METAP2: variants seen among roughly 807,000 people sequenced by gnomAD.
The protein encoded by METAP2 is methionine aminopeptidase 2.
Under a neutral mutation model 59.4 loss-of-function variants are expected in METAP2, and 25 were observed. The observed-to-expected ratio is 0.42, with a 90% CI of 0.31 to 0.59. METAP2 has a LOEUF of 0.59. METAP2 is among the 20% of genes least tolerant of loss of function. The probability of loss-of-function intolerance (pLI) is 0.16; values close to 1 mark genes in which losing one functional copy is unlikely to be tolerated. For synonymous variants in METAP2, 214 were observed against 194.1 expected (o/e 1.10, Z -0.85); for missense variants, 366 against 581.2 (o/e 0.63, Z 3.81).
At chr12:95,497,789 T>C (rs1215000501) in intron 7 of METAP2, among the ~76,000 whole-genome samples, 1 of 152,046 alleles carries the variant, frequency 6.6e-6, no homozygotes, top group Non-Finnish European at 1.5e-5. Context: ...TTTGGAGAAA[T>C]GTCTATTCAA....
chr12:95,480,727 A>G (rs1032430722), intron 2 of METAP2, among the ~76,000 whole-genome samples: 5 of 152,162 alleles, frequency 3.3e-5, no homozygotes, highest in Admixed American at 3.3e-4. Context: ...GAATTGTAAT[A>G]GTTCATTGTA....
At chr12:95,482,494 T>G (rs1237265546) in intron 2 of METAP2, among the ~76,000 whole-genome samples, 3 of 152,096 alleles carry the variant, frequency 2.0e-5, no homozygotes, top group Admixed American at 1.3e-4. Flanking sequence ...AATGGTGATT[T>G]TGAGGCTGGG....
intron 3 of METAP2, 108 bp from the exon 4 acceptor site, chr12:95,485,771 T>C: frequency 2.9e-6 from 2 of 692,754 alleles, no homozygotes; most frequent in Non-Finnish European, 2.3e-6. Context: ...AGCAAGGAGT[T>C]TCCTTAAAAT....
chr12:95,485,995 A>G lies in METAP2; in HGVS notation c.428+14A>G, dbSNP rs2076193758. On this transcript the variant is annotated intron_variant, in intron 4 of 10. Coordinates refer to ENST00000323666, the MANE Select transcript of METAP2 (RefSeq NM_006838.4). ...CACACAAGATGGGTAAGGATCATCA[A>G]ATCACTTCCAGTTTAATTTCTGACA... is the stretch of plus-strand genomic sequence containing the variant. 3.3e-6 allele frequency: 5 copies of G among 1,497,958 alleles called. No individual in the cohort carries two copies. The highest frequency in any genetic ancestry group is 3.7e-6 in the Non-Finnish European group (4 of 1,092,062). The allele number at this position is 1,497,958 out of a possible 1,614,324, so 92.8% of individuals were successfully genotyped here.
At chr12:95,498,803 C>T (rs2076294602) in intron 7 of METAP2, among the ~76,000 whole-genome samples, 1 of 152,056 alleles carries the variant, frequency 6.6e-6, no homozygotes, top group South Asian at 2.1e-4. Flanking sequence ...CGTTTGAGCT[C>T]AGTAGTTAAA....
At chr12:95,500,485 T>G (rs928971918) in intron 7 of METAP2, among the ~76,000 whole-genome samples, 2 of 152,230 alleles carry the variant, frequency 1.3e-5, no homozygotes, top group African/African-American at 4.8e-5. Flanking sequence ...AGGAAAGTTT[T>G]CCATCTTTGA....
chr12:95,493,754 G>A (rs2076256202), intron 4 of METAP2, among the ~76,000 whole-genome samples: 1 of 152,162 alleles, frequency 6.6e-6, no homozygotes, highest in African/African-American at 2.4e-5. Flanking sequence ...TCTGATTCTA[G>A]GACTCTTCAG....
At chr12:95,491,731 C>T (rs992427988) in intron 4 of METAP2, among the ~76,000 whole-genome samples, 2 of 150,938 alleles carry the variant, frequency 1.3e-5, no homozygotes, top group South Asian at 2.1e-4. Flanking sequence ...AGGCTGGTCT[C>T]GAACTCCTGA....
At chr12:95,502,047 G>A (rs1265232040) in intron 7 of METAP2, among the ~76,000 whole-genome samples, 1 of 149,832 alleles carries the variant, frequency 6.7e-6, no homozygotes, top group Admixed American at 6.7e-5. Context: ...CTGTTGCCCA[G>A]GCTGGAGCGC....
intron 4 of METAP2, among the ~76,000 whole-genome samples, chr12:95,490,834 C>G (rs2076232431): frequency 6.6e-6 from 1 of 152,070 alleles, no homozygotes; most frequent in Non-Finnish European, 1.5e-5. Context: ...GTCTCATGTT[C>G]TGGGATTTCT....
chr12:95,477,378 A>G (rs1238503245), intron 2 of METAP2, among the ~76,000 whole-genome samples: 1 of 152,196 alleles, frequency 6.6e-6, no homozygotes, highest in Non-Finnish European at 1.5e-5. Flanking sequence ...GGTTTGAGCT[A>G]CTGTGTCCGG....
chr12:95,509,288 T>C (rs748316558), intron 8 of METAP2, among the ~76,000 whole-genome samples: 3 of 152,196 alleles, frequency 2.0e-5, no homozygotes, highest in Non-Finnish European at 4.4e-5. Flanking sequence ...CTTGTCAACC[T>C]AAATAACAAA....
At chr12:95,502,996 G>A (rs1449047157) in intron 7 of METAP2, among the ~76,000 whole-genome samples, 1 of 130,540 alleles carries the variant, frequency 7.7e-6, no homozygotes, top group East Asian at 2.2e-4. Flanking sequence ...AATTTTTTAA[G>A]TATCTTTAGA....
At chr12:95,508,583 T>C (rs960633275) in intron 8 of METAP2, among the ~76,000 whole-genome samples, 1 of 152,160 alleles carries the variant, frequency 6.6e-6, no homozygotes, top group Non-Finnish European at 1.5e-5. Flanking sequence ...GAGTTAGTTA[T>C]TTCTCTTTTT....
At chr12:95,511,075 C>T (rs1274998682) in intron 8 of METAP2, among the ~76,000 whole-genome samples, 1 of 152,176 alleles carries the variant, frequency 6.6e-6, no homozygotes, top group South Asian at 2.1e-4. Context: ...TCCTTGCTGT[C>T]ATGACAGTGG....
At chr12:95,482,406 C>T (rs777372601) in intron 2 of METAP2, among the ~76,000 whole-genome samples, 33 of 152,140 alleles carry the variant, frequency 2.2e-4, no homozygotes, top group Non-Finnish European at 2.9e-4. Flanking sequence ...AACCACTTTA[C>T]CTAGCCTAAT....
intron 6 of METAP2, among the ~76,000 whole-genome samples, 158 bp from the exon 7 acceptor site, chr12:95,495,844 CTT>C (rs2076272232): frequency 6.6e-6 from 1 of 152,088 alleles, no homozygotes; most frequent in African/African-American, 2.4e-5. Flanking sequence ...CATTTTGTCT[CTT>C]TGATTATGAA....
At chr12:95,482,995 C>T (rs1234429980) in intron 2 of METAP2, among the ~76,000 whole-genome samples, 3 of 152,174 alleles carry the variant, frequency 2.0e-5, no homozygotes, top group African/African-American at 7.2e-5. Flanking sequence ...GTGATCCTCC[C>T]ACCTCAGCTT....
intron 8 of METAP2, among the ~76,000 whole-genome samples, chr12:95,505,002 C>T (rs1282259084): frequency 1.3e-5 from 2 of 152,138 alleles, no homozygotes; most frequent in African/African-American, 2.4e-5. Flanking sequence ...GTCTGACCAT[C>T]CCCCAGCCAC....
Sources: allele counts gnomAD v4.1 joint callset (sites outside exome capture counted in the v4.1 genomes callset), GRCh38; gene constraint gnomAD v4.1.1; transcripts MANE v1.5; gene names NCBI Gene and HGNC (gene_info 2026-07-23, HGNC 2026-07-21).